PLA2G5: variants seen among roughly 807,000 people sequenced by gnomAD.
The protein encoded by PLA2G5 is Ca2+-dependent phospholipase A2.
In PLA2G5, 12 loss-of-function variants were observed where a neutral mutation model predicts 15.9. That is an observed-to-expected ratio of 0.76 (90% CI 0.48 to 1.23). The LOEUF (loss-of-function observed/expected upper bound fraction) is 1.23. PLA2G5 is among the 50% of genes most tolerant of loss of function. The pLI is 0.00. For missense variants in PLA2G5, 169 were observed against 177.1 expected (o/e 0.95, Z 0.26); for synonymous variants, 71 against 71.4 (o/e 0.99, Z 0.03).
chr1:20,081,595 T>C lies in PLA2G5; in HGVS notation c.-10-3226T>C, dbSNP rs11573251. On this transcript the variant is annotated intron_variant, in intron 1 of 4. Coordinates refer to ENST00000375108, the MANE Select transcript of PLA2G5 (RefSeq NM_000929.3). ...GACCGGTCAGTTTGAATCATGTCAGTGGAACTCCAGGCTTCCCTAGTTGTC... is the reference window on the plus strand; with the variant it reads ...GACCGGTCAGTTTGAATCATGTCAGCGGAACTCCAGGCTTCCCTAGTTGTC... Among the ~76,000 whole-genome samples, 80 of 151,716 alleles carry C rather than the reference T, an allele frequency of 5.3e-4. 4 individuals carry two copies. Among genetic ancestry groups the C allele is most frequent in the African/African-American group, 1.8e-3 (73 of 41,108 alleles).
chr1:20,044,208 A>G (rs1037227393), intron 1 of PLA2G5, among the ~76,000 whole-genome samples: 1 of 152,146 alleles, frequency 6.6e-6, no homozygotes, highest in African/African-American at 2.4e-5. Flanking sequence ...CAGCTTAGGC[A>G]TGTGTGGCTT....
In PLA2G5 at chr1:20,090,813, A is replaced by AG. The variant is rs2016533750; in HGVS notation, c.*122dup. 9.6e-7 allele frequency: 1 copy of AG among 1,040,994 alleles called. No homozygotes were observed. The highest frequency in any genetic ancestry group is 1.5e-6 in the Non-Finnish European group (1 of 687,998). 64.5% of individuals were successfully genotyped at this position (1,040,994 alleles called of 1,614,324 possible). On this transcript the variant is annotated 3_prime_UTR_variant, in exon 5 of 5. Transcript: ENST00000375108. ...AGTCACAGACCTCAGTCTTTCTCGA[A>AG]GCTTGGCGGACCCCCAGGGCCACAC...
At chr1:20,059,120 CAAAAAAA>C (rs34667227) in intron 1 of PLA2G5, among the ~76,000 whole-genome samples, 4 of 83,136 alleles carry the variant, frequency 4.8e-5, no homozygotes, top group Non-Finnish European at 9.3e-5. Flanking sequence ...GAGACTGTCT[CAAAAAAA>C]AAAAAAAAAA....
At chr1:20,068,710 C>T (rs2015183263), upstream of PLA2G5, among the ~76,000 whole-genome samples, 1 of 152,074 alleles carries the variant, frequency 6.6e-6, no homozygotes, top group Non-Finnish European at 1.5e-5. Flanking sequence ...CTCGGCCTCC[C>T]AAAGTGCTGG....
chr1:20,053,573 G>GGGA (rs2014281701), intron 1 of PLA2G5, among the ~76,000 whole-genome samples: 2 of 88,648 alleles, frequency 2.3e-5, no homozygotes, highest in South Asian at 7.7e-4. Flanking sequence ...TACTTTGCGG[G>GGGA]GGGGGGGGTG....
At chr1:20,059,394 G>C (rs2014591478) in intron 1 of PLA2G5, among the ~76,000 whole-genome samples, 1 of 151,772 alleles carries the variant, frequency 6.6e-6, no homozygotes, top group African/African-American at 2.4e-5. Context: ...CCTCACTCCA[G>C]CCTGGGTGAC....
intron 1 of PLA2G5, among the ~76,000 whole-genome samples, chr1:20,029,867 G>T (rs1179356434): frequency 6.6e-6 from 1 of 152,198 alleles, no homozygotes; most frequent in Non-Finnish European, 1.5e-5. Flanking sequence ...TGACCAACTT[G>T]CCTGCAGGCA....
At chr1:20,086,387 T>TTA (rs772133332) in intron 3 of PLA2G5, among the ~76,000 whole-genome samples, 160 bp downstream of exon 3, 2 of 152,370 alleles carry the variant, frequency 1.3e-5, no homozygotes, top group South Asian at 4.1e-4. Context: ...AAGATCTCAG[T>TTA]GGCCTAAGGT....
chr1:20,053,177 A>G (rs1419330988), intron 1 of PLA2G5, among the ~76,000 whole-genome samples: 2 of 152,238 alleles, frequency 1.3e-5, no homozygotes, highest in Non-Finnish European at 2.9e-5. Context: ...GACCTGTCTC[A>G]GATATTCAGG....
chr1:20,042,413 G>A (rs560076929), intron 1 of PLA2G5, among the ~76,000 whole-genome samples: 1 of 152,286 alleles, frequency 6.6e-6, no homozygotes, highest in South Asian at 2.1e-4. Flanking sequence ...GTGGGGGCCA[G>A]CCTAAAACAG....
intron 2 of PLA2G5, among the ~76,000 whole-genome samples, chr1:20,085,515 G>A (rs1207262360): frequency 6.6e-6 from 1 of 151,982 alleles, no homozygotes; most frequent in African/African-American, 2.4e-5. Context: ...AGTAAGATGA[G>A]GGAACTGGCT....
rs9727382 is a variant in PLA2G5, at chr1:20,075,870, T to G, written c.-11+5405T>G. Among the ~76,000 whole-genome samples the G allele has an allele frequency of 1.4e-4, 9 of 63,912 alleles. No homozygotes were observed. In the South Asian group the frequency reaches 4.6e-3, roughly 33 times the overall value. 41.9% of individuals were successfully genotyped at this position (63,912 alleles called of 152,430 possible). A position where few individuals can be genotyped will look rare whatever the true frequency, so the allele number is the denominator to read the frequency against. On this transcript the variant is annotated intron_variant, in intron 1 of 4. Transcript: ENST00000375108. ...TGTGGAAATGTGGATTTCTTTCTCT[T>G]TTTTTTTTTTTTTTTTTTTGAGACA... is the stretch of plus-strand genomic sequence containing the variant.
chr1:20,033,606 C>T (rs1348119473), intron 1 of PLA2G5, among the ~76,000 whole-genome samples: 1 of 152,128 alleles, frequency 6.6e-6, no homozygotes, highest in Non-Finnish European at 1.5e-5. Flanking sequence ...AGTTGCCAGC[C>T]TTGGATGACA....
At chr1:20,030,739 C>T (rs894942084) in intron 1 of PLA2G5, among the ~76,000 whole-genome samples, 1 of 152,088 alleles carries the variant, frequency 6.6e-6, no homozygotes, top group African/African-American at 2.4e-5. Context: ...GCACTGTGTC[C>T]CTGGGTACTC....
intron 1 of PLA2G5, chr1:20,054,865 G>A (rs764371857): frequency 2.0e-5 from 3 of 152,112 alleles, no homozygotes; most frequent in Admixed American, 6.6e-5. Context: ...GTTTTGTTAG[G>A]TGATACCAAA....
At chr1:20,080,095 GC>G (rs955447280) in intron 1 of PLA2G5, among the ~76,000 whole-genome samples, 61 of 152,282 alleles carry the variant, frequency 4.0e-4, no homozygotes, top group African/African-American at 1.4e-3. Context: ...TTGAGGCTGA[GC>G]AAAACAGGAT....
chr1:20,078,528 C>A (rs183087078), intron 1 of PLA2G5, among the ~76,000 whole-genome samples: 553 of 152,288 alleles, frequency 3.6e-3, no homozygotes, highest in Middle Eastern at 6.8e-3. Context: ...TCTGTGTTTA[C>A]TTCTGTCTTC....
chr1:20,059,530 A>T (rs1354890282), intron 1 of PLA2G5: 1 of 152,230 alleles, frequency 6.6e-6, no homozygotes, highest in African/African-American at 2.4e-5. Flanking sequence ...AAGTACAAAT[A>T]TGGGAAGAGG....
chr1:20,086,276 T>A (rs571453298), intron 3 of PLA2G5, 49 bp downstream of exon 3: 54 of 1,580,648 alleles, frequency 3.4e-5, no homozygotes, highest in Non-Finnish European at 4.7e-5. Context: ...TCTGCACCCA[T>A]GTTTTCTTAT....
Sources: gnomAD v4.1 joint callset for allele counts (sites outside exome capture counted in the v4.1 genomes callset) on GRCh38, gnomAD v4.1.1 for gene constraint, MANE v1.5 for transcripts, NCBI Gene and HGNC (gene_info 2026-07-23, HGNC 2026-07-21) for gene names.